Variants in RFTN2 observed in about 807,000 individuals in gnomAD.
RFTN2 encodes the protein raftlin-2.
A neutral mutation model predicts 52.7 loss-of-function variants in RFTN2; 34 were observed. That is an observed-to-expected ratio of 0.64 (90% CI 0.49 to 0.86). The LOEUF is 0.86. RFTN2 is among the 40% of genes least tolerant of loss of function. The pLI is 0.00. For synonymous variants in RFTN2, 203 were observed against 217.7 expected (o/e 0.93, Z 0.59); for missense variants, 536 against 600.1 (o/e 0.89, Z 1.12).
Position 197,601,313 on chromosome 2 carries a change from T to C in RFTN2, c.1155-5244A>G, listed in dbSNP as rs543799796. Among the ~76,000 whole-genome samples, 217 of 152,318 alleles carry C rather than the reference T, an allele frequency of 1.4e-3. 3 individuals carry two copies. The highest frequency in any genetic ancestry group is 8.5e-3 in the South Asian group (41 of 4,826). On this transcript the variant is annotated intron_variant, in intron 7 of 8. Transcript: ENST00000295049. The stretch of plus-strand genomic sequence containing the variant: ...GACAACAGCATGACTATCAAGAAGA[T>C]TGGGTCTTCCCACTAACAGAAGATC...
At chr2:197,588,054 ATT>A in intron 8 of RFTN2, 1 of 465,632 alleles carries the variant, frequency 2.1e-6, no homozygotes, top group Non-Finnish European at 4.4e-6. Flanking sequence ...GCTGTAAAAG[ATT>A]TGTGTGTTTC....
intron 8 of RFTN2, among the ~76,000 whole-genome samples, chr2:197,586,636 G>T (rs1056322384): frequency 1.3e-5 from 2 of 152,306 alleles, no homozygotes; most frequent in Admixed American, 6.5e-5. Flanking sequence ...TTGCTTGTCA[G>T]TTTAGGACTT....
At chr2:197,670,113 G>A (rs570286622) in intron 1 of RFTN2, among the ~76,000 whole-genome samples, 2 of 152,230 alleles carry the variant, frequency 1.3e-5, no homozygotes, top group East Asian at 1.9e-4. Flanking sequence ...AAGAGTTGGC[G>A]AACTGTGGCC....
At chr2:197,587,948 A>T in intron 8 of RFTN2, 1 of 468,878 alleles carries the variant, frequency 2.1e-6, no homozygotes, top group Non-Finnish European at 4.4e-6. Flanking sequence ...GATTTGTCCA[A>T]GGTCATGAAT....
chr2:197,618,872 A>G (rs2088200175), intron 5 of RFTN2, among the ~76,000 whole-genome samples: 1 of 149,986 alleles, frequency 6.7e-6, no homozygotes, highest in Non-Finnish European at 1.5e-5. Flanking sequence ...CTGAGAAGTG[A>G]GGAGCCCCTC....
rs2088146607 is a variant in RFTN2 at position 197,616,419 on chromosome 2, G to C, written c.1051-440C>G. ...CTATTCTCCTGCCTCTGCCGCCTGA[G>C]TAACTGGGACTACAGGTGCATGACA... is the stretch of plus-strand genomic sequence containing the variant. On this transcript the variant is annotated intron_variant, in intron 6 of 8. Coordinates refer to ENST00000295049, the MANE Select transcript of RFTN2 (RefSeq NM_144629.3). 4.6e-5 allele frequency among the ~76,000 whole-genome samples: 7 copies of C among 152,010 alleles called. No individual in the cohort carries two copies. The South Asian group carries it at 1.2e-3, about 27-fold the overall frequency.
chr2:197,585,001 T>C (rs1485986438), intron 8 of RFTN2, among the ~76,000 whole-genome samples: 1 of 152,162 alleles, frequency 6.6e-6, no homozygotes, highest in Non-Finnish European at 1.5e-5. Context: ...TCATCTATAG[T>C]ACCCCAACTG....
chr2:197,633,798 T>C lies in RFTN2; in HGVS notation c.638A>G (p.Glu213Gly), dbSNP rs779809181. 1.9e-6 allele frequency: 3 copies of C among 1,613,916 alleles called. No individual in the cohort carries two copies. Among genetic ancestry groups the C allele is most frequent in the Admixed American group, 3.3e-5 (2 of 60,000 alleles). ...CTGTCCACTTTCATGATGAAGTTCTTCCTCAATTCCGCTTTCAGATGACTG... is the reference window on the plus strand; with the variant it reads ...CTGTCCACTTTCATGATGAAGTTCTCCCTCAATTCCGCTTTCAGATGACTG... The part of the protein sequence containing the change: ...SGQSSESGIE[E>G]ELHHESGQYQ... Residue 213 changes from glutamate to glycine, a missense_variant, in exon 4 of 9, where the codon GAA becomes GGA. Glu to Gly is a moderately conservative substitution (Grantham distance 98). Transcript: ENST00000295049.
intron 8 of RFTN2, among the ~76,000 whole-genome samples, chr2:197,594,626 A>G (rs2087768186): frequency 6.6e-6 from 1 of 152,214 alleles, no homozygotes; most frequent in African/African-American, 2.4e-5. Flanking sequence ...GCCCCTGTGC[A>G]TGGCCTAGAC....
rs71012985 is a variant in RFTN2, at chr2:197,626,617, C to CTTTTTT, written c.928+4388_928+4393dup. Among the ~76,000 whole-genome samples the CTTTTTT allele has an allele frequency of 1.4e-3, 124 of 90,936 alleles. 1 individual carries two copies. The highest frequency in any genetic ancestry group is 4.3e-3 in the African/African-American group (95 of 21,994). The allele number at this position is 90,936 out of a possible 152,430, so 59.7% of individuals were successfully genotyped here. On this transcript the variant is annotated intron_variant, in intron 5 of 8. Transcript: ENST00000295049. ...TAAAATAAAAAAAAGGAATAATCTTCTTTTTTTTTTTTTTTTTTTTTTGAG... is the reference window on the plus strand; with the variant it reads ...TAAAATAAAAAAAAGGAATAATCTTCTTTTTTTTTTTTTTTTTTTTTTTTTTTTGAG...
intron 1 of RFTN2, among the ~76,000 whole-genome samples, chr2:197,665,517 C>CTTTCTTTTTTTTTTTTTT (rs373197868): frequency 2.4e-5 from 1 of 41,496 alleles, no homozygotes; most frequent in African/African-American, 1.4e-4. Flanking sequence ...TGTACCTTGC[C>CTTTCTTTTTTTTTTTTTT]TTTTTTTTTT....
In RFTN2 at chr2:197,622,976, T is replaced by C. The variant is rs113500766; in HGVS notation, c.929-5055A>G. Among the ~76,000 whole-genome samples the C allele has an allele frequency of 2.7e-4, 41 of 152,366 alleles. 2 individuals are homozygous for C. Among genetic ancestry groups the C allele is most frequent in the African/African-American group, 9.6e-4 (40 of 41,592 alleles). The stretch of plus-strand genomic sequence containing the variant: ...CAAAATATTATGCTTATTGACAATG[T>C]ACTTGGTCACCTAACAGCTCTGATG... On this transcript the variant is annotated intron_variant, in intron 5 of 8. Coordinates refer to ENST00000295049, the MANE Select transcript of RFTN2 (RefSeq NM_144629.3).
At chr2:197,634,990 C>CA (rs1359047649) in intron 3 of RFTN2, among the ~76,000 whole-genome samples, 8 of 107,348 alleles carry the variant, frequency 7.5e-5, no homozygotes, top group Non-Finnish European at 1.2e-4. Context: ...TGCGGTGTTT[C>CA]GTTTTTTGTT....
chr2:197,662,781 A>C (rs1406780653), intron 1 of RFTN2, among the ~76,000 whole-genome samples: 1 of 151,878 alleles, frequency 6.6e-6, no homozygotes, highest in Admixed American at 6.6e-5. Context: ...CGTTCTTTAA[A>C]AATTTTTTTA....
intron 2 of RFTN2, 45 bp downstream of exon 2, chr2:197,646,438 A>G (rs747860467): frequency 2.0e-6 from 3 of 1,495,364 alleles, no homozygotes; most frequent in Non-Finnish European, 2.7e-6. Context: ...TTAGACAAAG[A>G]GAACTGTCAC....
At chr2:197,624,529 C>T (rs34139878) in intron 5 of RFTN2, among the ~76,000 whole-genome samples, 99,918 of 146,556 alleles carry the variant, frequency 0.68, 33,987 homozygotes, top group Middle Eastern at 0.85. Flanking sequence ...ACCCGGGAGG[C>T]GGAGCTTGCA....
At chr2:197,667,629 G>C (rs2089080404) in intron 1 of RFTN2, among the ~76,000 whole-genome samples, 1 of 152,218 alleles carries the variant, frequency 6.6e-6, no homozygotes, top group African/African-American at 2.4e-5. Flanking sequence ...GGTGTCGGTT[G>C]GGTAGGATGC....
chr2:197,623,070 A>C (rs1009756873), intron 5 of RFTN2, among the ~76,000 whole-genome samples: 3 of 152,244 alleles, frequency 2.0e-5, no homozygotes, highest in Non-Finnish European at 4.4e-5. Flanking sequence ...CCATGGATCA[A>C]GGAGCCATTT....
Position 197,658,007 on chromosome 2 carries a change from C to G in RFTN2, c.140-11341G>C, listed in dbSNP as rs150486201. 6.9e-3 allele frequency among the ~76,000 whole-genome samples: 1,055 copies of G among 151,990 alleles called. 6 individuals are homozygous for G. The highest frequency in any genetic ancestry group is 0.017 in the South Asian group (84 of 4,804). On this transcript the variant is annotated intron_variant, in intron 1 of 8. Transcript: ENST00000295049. Reference sequence around the variant, plus strand: ...AAGGGGAGAGCTGTGCCTATAGAGTCAGGAATTTTCATCAGAGCTCACCAG... The same window carrying G: ...AAGGGGAGAGCTGTGCCTATAGAGTGAGGAATTTTCATCAGAGCTCACCAG...
Sources: allele counts gnomAD v4.1 joint callset (sites outside exome capture counted in the v4.1 genomes callset), GRCh38; gene constraint gnomAD v4.1.1; transcripts MANE v1.5; gene names NCBI Gene and HGNC (gene_info 2026-07-23, HGNC 2026-07-21).